The following PRKCB variants were observed in gnomAD, a reference collection of about 807,000 sequenced individuals.
The protein encoded by PRKCB is protein kinase C beta type.
In PRKCB, 13 loss-of-function variants were observed where a neutral mutation model predicts 81.5. That is an observed-to-expected ratio of 0.16 (90% confidence interval 0.10 to 0.25). The LOEUF (loss-of-function observed/expected upper bound fraction) is 0.25. PRKCB is among the 10% of genes least tolerant of loss of function. The pLI, the probability that PRKCB is intolerant of heterozygous loss-of-function variation, is 1.00. For synonymous variants in PRKCB, 335 were observed against 321.4 expected (o/e 1.04, Z -0.45); for missense variants, 509 against 875.7 (o/e 0.58, Z 5.29).
At chr16:24,020,206 C>T (rs1422095803) in intron 3 of PRKCB, among the ~76,000 whole-genome samples, 1 of 152,170 alleles carries the variant, frequency 6.6e-6, no homozygotes, top group Non-Finnish European at 1.5e-5. Context: ...TTGTCTACTT[C>T]ATTTTAAGGT....
intron 2 of PRKCB, among the ~76,000 whole-genome samples, chr16:23,946,744 A>G (rs1378632513): frequency 6.6e-6 from 1 of 152,216 alleles, no homozygotes; most frequent in East Asian, 1.9e-4. Context: ...GTTGTGATCC[A>G]GTAGGTCTGG....
rs149881600 is a variant in PRKCB at position 23,997,123 on chromosome 16, T to C, written c.288+8533T>C. On this transcript the variant is annotated intron_variant, in intron 3 of 16. Coordinates refer to ENST00000643927, the MANE Select transcript of PRKCB (RefSeq NM_002738.7). Reference sequence around the variant, plus strand: ...GGAGACAGAACAATGATTCTATTGATAGTTAACACTGCCACCCAGCCACTT... The same window carrying C: ...GGAGACAGAACAATGATTCTATTGACAGTTAACACTGCCACCCAGCCACTT... Among the ~76,000 whole-genome samples the C allele has an allele frequency of 9.2e-5, 14 of 152,316 alleles. No homozygotes were observed. In the East Asian group the frequency reaches 2.3e-3, roughly 25 times the overall value.
intron 12 of PRKCB, among the ~76,000 whole-genome samples, chr16:24,178,144 A>G (rs1967563313): frequency 6.6e-6 from 1 of 152,200 alleles, no homozygotes; most frequent in Non-Finnish European, 1.5e-5. Flanking sequence ...ATTATGTTAG[A>G]CTTACCATCT....
chr16:24,116,902 AC>A (rs1966742504), intron 8 of PRKCB, among the ~76,000 whole-genome samples: 1 of 152,208 alleles, frequency 6.6e-6, no homozygotes. Context: ...ATTTCAGAAC[AC>A]CAAGGAAAAG....
chr16:24,194,241 C>T (rs987001573), intron 16 of PRKCB, among the ~76,000 whole-genome samples: 3 of 152,036 alleles, frequency 2.0e-5, no homozygotes, highest in African/African-American at 4.8e-5. Flanking sequence ...GATAGAGAAT[C>T]GCTTGAACCT....
intron 2 of PRKCB, among the ~76,000 whole-genome samples, chr16:23,883,011 A>T (rs1235657492): frequency 6.6e-6 from 1 of 152,186 alleles, no homozygotes. Context: ...CAGTGGAAAC[A>T]TCTATTCATT....
intron 2 of PRKCB, among the ~76,000 whole-genome samples, chr16:23,879,470 C>G (rs1963070221): frequency 7.1e-6 from 1 of 141,812 alleles, no homozygotes; most frequent in Non-Finnish European, 1.5e-5. Flanking sequence ...TGTTGTTGGT[C>G]CTTTAGCTAT....
intron 2 of PRKCB, among the ~76,000 whole-genome samples, chr16:23,950,145 T>TG: frequency 1.4e-5 from 2 of 145,848 alleles, no homozygotes; most frequent in Non-Finnish European, 3.0e-5. Flanking sequence ...TTTTTTTTTT[T>TG]TTTTTTTTTT....
chr16:24,212,982 C>T lies in PRKCB; in HGVS notation c.1864-1676C>T, dbSNP rs772529671. On this transcript the variant is annotated intron_variant, in intron 16 of 16. Transcript: ENST00000643927. The stretch of plus-strand genomic sequence containing the variant: ...CTTCCCCACTTCATTAGTTAGTCAG[C>T]CACCAGGCTGCCACCGTACTTGTAT... Among the ~76,000 whole-genome samples the T allele has an allele frequency of 3.3e-5, 5 of 151,886 alleles. No individual in the cohort carries two copies. The South Asian group carries it at 6.2e-4, about 19-fold the overall frequency.
At chr16:24,081,156 A>G (rs1966244409) in intron 5 of PRKCB, among the ~76,000 whole-genome samples, 1 of 152,190 alleles carries the variant, frequency 6.6e-6, no homozygotes, top group South Asian at 2.1e-4. Context: ...AAACATAAAT[A>G]TAAAAATCTT....
At chr16:23,991,763 A>G (rs1964889225) in intron 3 of PRKCB, among the ~76,000 whole-genome samples, 1 of 152,208 alleles carries the variant, frequency 6.6e-6, no homozygotes. Flanking sequence ...CTATGCGAGC[A>G]TGGTGGCTGC....
chr16:24,196,726 AG>A (rs976334031), intron 16 of PRKCB, among the ~76,000 whole-genome samples: 15 of 152,218 alleles, frequency 9.9e-5, no homozygotes, highest in African/African-American at 3.6e-4. Flanking sequence ...CTGTGGGGCC[AG>A]GGACTCCACC....
chr16:24,190,085 C>T (rs566311652), intron 15 of PRKCB, among the ~76,000 whole-genome samples: 1 of 152,250 alleles, frequency 6.6e-6, no homozygotes, highest in South Asian at 2.1e-4. Context: ...TGTTATTTAG[C>T]ACTCAGAGAC....
intron 2 of PRKCB, among the ~76,000 whole-genome samples, chr16:23,915,177 A>C (rs550112868): frequency 6.6e-6 from 1 of 152,182 alleles, no homozygotes; most frequent in Non-Finnish European, 1.5e-5. Flanking sequence ...AATACACATT[A>C]CTGTTTACAT....
intron 2 of PRKCB, among the ~76,000 whole-genome samples, chr16:23,923,199 A>G (rs1408116496): frequency 5.3e-5 from 8 of 152,054 alleles, no homozygotes; most frequent in Admixed American, 3.3e-4. Context: ...ATAAAACCAA[A>G]AAGTCCAAGG....
At chr16:23,982,295 C>CTTCCCTTCCCT (rs1567334202) in intron 2 of PRKCB, among the ~76,000 whole-genome samples, 9 of 94,858 alleles carry the variant, frequency 9.5e-5, no homozygotes, top group Non-Finnish European at 1.9e-4. Flanking sequence ...TTCCCTTCCC[C>CTTCCCTTCCCT]TTCCCTTCCC....
At position 24,217,645 on chromosome 16, in the gene PRKCB, A is replaced by T. The variant is rs958976271; in HGVS notation, c.*2829A>T. ...GGACCATGTGGTTATCTGAAGCATT[A>T]GCCATCACCAGCACAACAAACGGGG... On this transcript the variant is annotated 3_prime_UTR_variant, in exon 17 of 17. Transcript: ENST00000643927. 3.0e-6 allele frequency: 3 copies of T among 985,410 alleles called. No individual in the cohort carries two copies. In the African/African-American group the frequency reaches 5.2e-5, roughly 17 times the overall value. The allele number at this position is 985,410 out of a possible 1,614,324, so 61.0% of individuals were successfully genotyped here. A position where few individuals can be genotyped will look rare whatever the true frequency, so the allele number is the denominator to read the frequency against.
chr16:23,875,509 T>TATATATATATATATATA (rs1962984561), intron 2 of PRKCB, among the ~76,000 whole-genome samples: 2 of 88,644 alleles, frequency 2.3e-5, no homozygotes, highest in African/African-American at 3.7e-5. Flanking sequence ...ATATATATGA[T>TATATATATATATATATA]GTATATCACA....
intron 2 of PRKCB, among the ~76,000 whole-genome samples, chr16:23,976,033 G>C (rs941805813): frequency 3.3e-5 from 5 of 152,114 alleles, no homozygotes; most frequent in South Asian, 4.1e-4. Flanking sequence ...ACTTTTCCTT[G>C]GTGATGGTAA....
Sources: allele counts gnomAD v4.1 joint callset (sites outside exome capture counted in the v4.1 genomes callset), GRCh38; gene constraint gnomAD v4.1.1; transcripts MANE v1.5; gene names NCBI Gene and HGNC (gene_info 2026-07-23, HGNC 2026-07-21).